Variants in ACTR3B observed in about 807,000 individuals in gnomAD.
The protein encoded by ACTR3B is actin related protein 3B, also known as actin-related protein 3B.
Under a neutral mutation model 59.0 loss-of-function variants are expected in ACTR3B, and 8 were observed. That is an observed-to-expected ratio of 0.14 (90% CI 0.08 to 0.24). The LOEUF is 0.24. ACTR3B is among the 10% of genes least tolerant of loss of function. The pLI is 1.00. For missense variants in ACTR3B, 245 were observed against 552.3 expected (o/e 0.44, Z 5.58); for synonymous variants, 148 against 197.9 (o/e 0.75, Z 2.12).
rs1223173887 is a variant in ACTR3B at position 152,759,856 on chromosome 7, C to CGGGGCCG, written c.-26_-20dup. On this transcript the variant is annotated 5_prime_UTR_variant, in exon 1 of 12. Coordinates refer to ENST00000256001, the MANE Select transcript of ACTR3B (RefSeq NM_020445.6). Reference sequence around the variant, plus strand: ...CGACGGGGCGCTCTCGGGCTGCCGGCGGGGCCGAGCGCCGCGCGTCCCGAG... The same window carrying CGGGGCCG: ...CGACGGGGCGCTCTCGGGCTGCCGGCGGGGCCGGGGGCCGAGCGCCGCGCGTCCCGAG... 1 of 1,264,694 alleles carries CGGGGCCG rather than the reference C, an allele frequency of 7.9e-7. No individual in the cohort carries two copies. Among genetic ancestry groups the CGGGGCCG allele is most frequent in the African/African-American group, 1.5e-5 (1 of 64,634 alleles). The allele number at this position is 1,264,694 out of a possible 1,614,324, so 78.3% of individuals were successfully genotyped here. A position where few individuals can be genotyped will look rare whatever the true frequency, so the allele number is the denominator to read the frequency against.
chr7:152,767,529 A>C (rs186865637), intron 1 of ACTR3B, among the ~76,000 whole-genome samples: 3,848 of 152,300 alleles, frequency 0.025, 160 homozygotes, highest in African/African-American at 0.086. Flanking sequence ...TGGGAGAGAA[A>C]GCCTGATGGC....
chr7:152,823,690 T>C (rs1261348201), intron 8 of ACTR3B, among the ~76,000 whole-genome samples, 175 bp downstream of exon 8: 1 of 152,276 alleles, frequency 6.6e-6, no homozygotes, highest in Middle Eastern at 3.4e-3. Context: ...TGCCTCTCCG[T>C]AGAGCTGGTT....
Position 152,789,997 on chromosome 7 carries a change from C to CTTTTT in ACTR3B, c.100+6773_100+6777dup, listed in dbSNP as rs756068314. 6.6e-3 allele frequency among the ~76,000 whole-genome samples: 669 copies of CTTTTT among 102,002 alleles called. 2 individuals carry two copies. Among genetic ancestry groups the CTTTTT allele is most frequent in the Middle Eastern group, 0.015 (2 of 134 alleles). The allele number at this position is 102,002 out of a possible 152,430, so 66.9% of individuals were successfully genotyped here. On this transcript the variant is annotated intron_variant, in intron 2 of 11. Coordinates refer to ENST00000256001, the MANE Select transcript of ACTR3B (RefSeq NM_020445.6). ...ATGGTTTTGGACATTTGTACTCTTT[C>CTTTTT]TTTTTTTTTTTTTTTTTTTTTTGAG...
intron 3 of ACTR3B, among the ~76,000 whole-genome samples, chr7:152,801,227 G>A (rs2098235571): frequency 1.3e-5 from 2 of 152,254 alleles, no homozygotes; most frequent in African/African-American, 4.8e-5. Context: ...CTACAGGCAC[G>A]CACCACCAAG....
At chr7:152,777,812 G>A (rs2098139989) in intron 1 of ACTR3B, among the ~76,000 whole-genome samples, 1 of 152,044 alleles carries the variant, frequency 6.6e-6, no homozygotes, top group Admixed American at 6.6e-5. Flanking sequence ...TTAGCCGGGC[G>A]TGGTGGTGCA....
At chr7:152,800,210 G>A (rs1280514399) in intron 2 of ACTR3B, among the ~76,000 whole-genome samples, 1 of 152,234 alleles carries the variant, frequency 6.6e-6, no homozygotes, top group African/African-American at 2.4e-5. Context: ...GGAACCTACT[G>A]ATGTATAGGC....
intron 9 of ACTR3B, among the ~76,000 whole-genome samples, chr7:152,831,648 G>A (rs749025255): frequency 6.6e-6 from 1 of 152,252 alleles, no homozygotes; most frequent in Non-Finnish European, 1.5e-5. Context: ...CCTGGTCAGT[G>A]CAGGGAATGC....
rs962613964 is a variant in ACTR3B at position 152,854,102 on chromosome 7, A to G, written c.1162-356A>G. Among the ~76,000 whole-genome samples, 5 of 152,226 alleles carry G rather than the reference A, an allele frequency of 3.3e-5. No homozygotes were observed. The highest frequency in any genetic ancestry group is 1.2e-4 in the African/African-American group (5 of 41,454). ...TTGCTAATTAGGGGTTACAGAAAACATGGTAAGTGGCATCCAAAAATAATC... is the reference window on the plus strand; with the variant it reads ...TTGCTAATTAGGGGTTACAGAAAACGTGGTAAGTGGCATCCAAAAATAATC... On this transcript the variant is annotated intron_variant, in intron 11 of 11. Coordinates refer to ENST00000256001, the MANE Select transcript of ACTR3B (RefSeq NM_020445.6). This position sits in a 1 kb window ranked among gnomAD's most constrained non-coding sequence, Gnocchi z 4.9.
chr7:152,775,733 C>T (rs113536078), intron 1 of ACTR3B, among the ~76,000 whole-genome samples: 9 of 149,106 alleles, frequency 6.0e-5, no homozygotes, highest in Admixed American at 1.3e-4. Flanking sequence ...CACTCCAGCC[C>T]GGGCAACAAG....
In ACTR3B at chr7:152,854,628, G is replaced by A. The variant is rs1799115311; in HGVS notation, c.*75G>A. The A allele has an allele frequency of 3.4e-6, 5 of 1,489,328 alleles. No homozygotes were observed. The highest frequency in any genetic ancestry group is 1.1e-5 in the South Asian group (1 of 87,824). The allele number at this position is 1,489,328 out of a possible 1,614,324, so 92.3% of individuals were successfully genotyped here. ...CCTTCAGAACCCAGAGAAGGCCGCC[G>A]TTCTGTAAATAGCGACGTCGGTGTT... On this transcript the variant is annotated 3_prime_UTR_variant, in exon 12 of 12. Coordinates refer to ENST00000256001, the MANE Select transcript of ACTR3B (RefSeq NM_020445.6). This position sits in a 1 kb window ranked among gnomAD's most constrained non-coding sequence, Gnocchi z 4.9.
intron 9 of ACTR3B, among the ~76,000 whole-genome samples, chr7:152,848,111 A>T (rs904007332): frequency 6.6e-6 from 1 of 152,194 alleles, no homozygotes; most frequent in African/African-American, 2.4e-5. Context: ...GAACGTGGAG[A>T]TGAGGCAGCA....
chr7:152,837,996 T>C (rs1445007729), intron 9 of ACTR3B, among the ~76,000 whole-genome samples: 1 of 152,206 alleles, frequency 6.6e-6, no homozygotes, highest in Non-Finnish European at 1.5e-5. Flanking sequence ...GAGGTATGCT[T>C]TTGTAGTTGA....
chr7:152,798,925 G>A (rs1375638847), intron 2 of ACTR3B, among the ~76,000 whole-genome samples: 4 of 152,194 alleles, frequency 2.6e-5, no homozygotes, highest in Admixed American at 1.3e-4. Flanking sequence ...GTCAGGTAGT[G>A]CGATCCCTCC....
intron 9 of ACTR3B, among the ~76,000 whole-genome samples, chr7:152,831,249 G>C (rs562874316): frequency 6.6e-6 from 1 of 152,260 alleles, no homozygotes; most frequent in Non-Finnish European, 1.5e-5. Flanking sequence ...TGGGAGGCTG[G>C]TGGAGATGTG....
At chr7:152,823,198 T>A (rs1405515817) in intron 7 of ACTR3B, 144 bp from the exon 8 acceptor site, 5 of 1,108,626 alleles carry the variant, frequency 4.5e-6, no homozygotes, top group Non-Finnish European at 6.4e-6. Context: ...AATGTGAGGC[T>A]TGATGCATAT....
At chr7:152,788,601 C>T (rs771628467) in intron 2 of ACTR3B, among the ~76,000 whole-genome samples, 30 of 151,314 alleles carry the variant, frequency 2.0e-4, no homozygotes, top group Non-Finnish European at 3.1e-4. Flanking sequence ...TTAGTAGGGA[C>T]GGGATTTCAC....
chr7:152,814,960 A>C (rs565855563), intron 5 of ACTR3B, among the ~76,000 whole-genome samples: 2 of 151,972 alleles, frequency 1.3e-5, no homozygotes, highest in African/African-American at 2.4e-5. Context: ...TTTGATCAGA[A>C]AAACAAAATA....
rs1590489990 is a variant in ACTR3B at position 152,853,489 on chromosome 7, T to C, written c.1078-5T>C. ...GGGGTAAGTGAGAGCTGCTTTCTCT[T>C]CCAGCCGAAGCCTGTGGAGGTCCAG... On this transcript the variant is annotated splice_region_variant and splice_polypyrimidine_tract_variant and intron_variant, in intron 10 of 11. Transcript: ENST00000256001. 1 of 1,613,710 alleles carries C rather than the reference T, an allele frequency of 6.2e-7. No homozygotes were observed. Among genetic ancestry groups the C allele is most frequent in the Non-Finnish European group, 8.5e-7 (1 of 1,179,850 alleles).
chr7:152,802,539 C>G (rs2098239820), intron 4 of ACTR3B, among the ~76,000 whole-genome samples: 2 of 147,070 alleles, frequency 1.4e-5, no homozygotes, highest in Non-Finnish European at 1.5e-5. Context: ...TGAAACATCA[C>G]AGATAAATGA....
Sources: allele counts gnomAD v4.1 joint callset (sites outside exome capture counted in the v4.1 genomes callset), GRCh38; gene constraint gnomAD v4.1.1; non-coding constraint Gnocchi (gnomAD v3.1); transcripts MANE v1.5; gene names NCBI Gene and HGNC (gene_info 2026-07-23, HGNC 2026-07-21).